The following SPRY4 variants were observed in gnomAD, a reference collection of about 807,000 sequenced individuals.
SPRY4 encodes the protein sprouty RTK signaling antagonist 4.
In SPRY4, 7 loss-of-function variants were observed where a neutral mutation model predicts 17.0. The ratio of observed to expected loss-of-function variants is 0.41; its 90% CI spans 0.23 to 0.77. The LOEUF (loss-of-function observed/expected upper bound fraction) is 0.77. Ranked by LOEUF, SPRY4 falls within the 30% of genes least tolerant of loss-of-function variation. The probability of loss-of-function intolerance (pLI) is 0.32; values close to 1 mark genes in which losing one functional copy is unlikely to be tolerated. For missense variants in SPRY4, 435 were observed against 419.9 expected (o/e 1.04, Z -0.31); for synonymous variants, 183 against 174.1 (o/e 1.05, Z -0.40).
Position 142,314,210 on chromosome 5 carries a change from C to G in SPRY4, c.899G>C (p.Ter300SerextTer32), listed in dbSNP as rs1238901072. The G allele has an allele frequency of 6.2e-7, 1 of 1,604,726 alleles. No homozygotes were observed. Among genetic ancestry groups the G allele is most frequent in the Admixed American group, 1.7e-5 (1 of 59,882 alleles). ...GCACTGGGGCTTCGACACAAACTGT[C>G]AGAAAGGCTTGTCGGGCCTGCTGGT... is the stretch of plus-strand genomic sequence containing the variant. ...AKTSRPDKPF[*>S] The change falls in exon 2 of 2, where the codon TGA becomes TCA. Residue 300 changes from the stop codon to serine, a stop_lost. Transcript: ENST00000434127. This position sits in a 1 kb window ranked among gnomAD's most constrained non-coding sequence, Gnocchi z 4.8.
rs763456471 is a variant in SPRY4, at chr5:142,314,689, C to T, written c.420G>A (p.Pro140=). 7.4e-6 allele frequency: 12 copies of T among 1,614,014 alleles called. 1 individual carries two copies. The highest frequency in any genetic ancestry group is 1.1e-5 in the South Asian group (1 of 91,088). The change falls in exon 2 of 2, where the codon CCG becomes CCA. Residue 140 remains proline, a synonymous_variant. Transcript: ENST00000434127. This position sits in a 1 kb window ranked among gnomAD's most constrained non-coding sequence, Gnocchi z 4.8. ...RIQPKVVHCQ[P]LDLKGPAVPP... Reference sequence around the variant, plus strand: ...GGACCGCCGGGCCCTTGAGGTCCAGCGGCTGGCAGTGGACCACCTTGGGCT... The same window carrying T: ...GGACCGCCGGGCCCTTGAGGTCCAGTGGCTGGCAGTGGACCACCTTGGGCT...
rs11299127 is a variant in SPRY4, at chr5:142,311,684, CT to C, written c.*2524del. 123,790 of 151,912 alleles carry C rather than the reference CT, an allele frequency of 0.81. 50,588 individuals carry two copies. Among genetic ancestry groups the C allele is most frequent in the East Asian group, 0.93 (4,759 of 5,142 alleles). The allele number at this position is 151,912 out of a possible 1,614,324, so 9.4% of individuals were successfully genotyped here. A position where few individuals can be genotyped will look rare whatever the true frequency, so the allele number is the denominator to read the frequency against. ...AGAACCAAGGATGGTTCCTTCGCTC[CT>C]TTCCCATGACCACTGAGCACACGAG... On this transcript the variant is annotated 3_prime_UTR_variant, in exon 2 of 2. Coordinates refer to ENST00000434127, the MANE Select transcript of SPRY4 (RefSeq NM_001127496.3).
rs928331479 is a variant in SPRY4, at chr5:142,314,719, G to A, written c.390C>T (p.Arg130=). The A allele has an allele frequency of 2.5e-5, 40 of 1,613,162 alleles. No homozygotes were observed. Among genetic ancestry groups the A allele is most frequent in the Non-Finnish European group, 3.3e-5 (39 of 1,179,332 alleles). The change falls in exon 2 of 2, where the codon CGC becomes CGT. Residue 130 remains arginine (R), a synonymous_variant. Transcript: ENST00000434127. This position sits in a 1 kb window ranked among gnomAD's most constrained non-coding sequence, Gnocchi z 4.8. ...VADQASPRAV[R]IQPKVVHCQP... ...GGCAGTGGACCACCTTGGGCTGGAT[G>A]CGCACAGCCCTTGGTGAGGCCTGGT...
intron 1 of SPRY4, chr5:142,324,459 G>A (rs1024565365): frequency 6.6e-6 from 1 of 152,318 alleles, no homozygotes; most frequent in Non-Finnish European, 1.5e-5. Flanking sequence ...GACCCAAACG[G>A]TGGCTCCTGA....
At chr5:142,321,266 G>A (rs192040791) in intron 1 of SPRY4, among the ~76,000 whole-genome samples, 1 of 152,272 alleles carries the variant, frequency 6.6e-6, no homozygotes, top group African/African-American at 2.4e-5. Context: ...AGTCCTGGCC[G>A]CTCACTAGCA....
intron 1 of SPRY4, chr5:142,318,066 G>C (rs1283909628): frequency 1.0e-6 from 1 of 985,052 alleles, no homozygotes; most frequent in African/African-American, 1.8e-5. Flanking sequence ...TCACCAGCAG[G>C]GACCCTCCAA....
rs375803657 is a variant in SPRY4 at position 142,314,477 on chromosome 5, G to A, written c.632C>T (p.Thr211Met). ...CLVQGIFYHCTNEDDEGSCAD... is the reference protein window; with the variant it reads ...CLVQGIFYHCMNEDDEGSCAD... Reference sequence around the variant, plus strand: ...GCAGGAGCCCTCATCGTCCTCATTCGTGCAGTGGTAGAAGATGCCCTGCAC... The same window carrying A: ...GCAGGAGCCCTCATCGTCCTCATTCATGCAGTGGTAGAAGATGCCCTGCAC... The change falls in exon 2 of 2, where the codon ACG (threonine) becomes ATG (methionine). Residue 211 changes from threonine (T) to methionine (M), a missense_variant. Thr to Met is a moderately conservative substitution (Grantham distance 81). Coordinates refer to ENST00000434127, the MANE Select transcript of SPRY4 (RefSeq NM_001127496.3). The surrounding 1 kb of genome is among the most constrained non-coding windows in gnomAD (Gnocchi z 4.8). 1.1e-5 allele frequency: 17 copies of A among 1,614,058 alleles called. No individual in the cohort carries two copies. In the East Asian group the frequency reaches 2.0e-4, roughly 19 times the overall value.
Position 142,314,130 on chromosome 5 carries a change from C to G in SPRY4, c.*79G>C. On this transcript the variant is annotated 3_prime_UTR_variant, in exon 2 of 2. Coordinates refer to ENST00000434127, the MANE Select transcript of SPRY4 (RefSeq NM_001127496.3). This position sits in a 1 kb window ranked among gnomAD's most constrained non-coding sequence, Gnocchi z 4.8. The stretch of plus-strand genomic sequence containing the variant: ...GGTCAGCCTCAGGAGGCTAAAACCT[C>G]TGACCTTGCTGCAGTCTTCTTAGAT... 3 of 1,468,572 alleles carry G rather than the reference C, an allele frequency of 2.0e-6. No homozygotes were observed. The highest frequency in any genetic ancestry group is 9.1e-7 in the Non-Finnish European group (1 of 1,099,988). 91.0% of individuals were successfully genotyped at this position (1,468,572 alleles called of 1,614,324 possible).
At chr5:142,315,319 A>C (rs1759114554) in intron 1 of SPRY4, 164 bp from the exon 2 acceptor site, 1 of 579,912 alleles carries the variant, frequency 1.7e-6, no homozygotes, top group Non-Finnish European at 3.1e-6. Flanking sequence ...TAAGATGATT[A>C]ATAATGACAA....
At chr5:142,319,944 T>C in intron 1 of SPRY4, 1 of 702,010 alleles carries the variant, frequency 1.4e-6, no homozygotes, top group Non-Finnish European at 2.2e-6. Context: ...AAGCTACAGG[T>C]CAGCTAATGA....
intron 1 of SPRY4, among the ~76,000 whole-genome samples, chr5:142,322,826 T>C (rs1030889723): frequency 6.6e-6 from 1 of 152,166 alleles, no homozygotes; most frequent in Non-Finnish European, 1.5e-5. Flanking sequence ...CCACATGGCG[T>C]GGTTGGTAAG....
At chr5:142,322,990 G>A (rs913131409) in intron 1 of SPRY4, among the ~76,000 whole-genome samples, 1 of 144,014 alleles carries the variant, frequency 6.9e-6, no homozygotes, top group Non-Finnish European at 1.5e-5. Flanking sequence ...GAGAGAAAGA[G>A]AAATCTTTAA....
At chr5:142,322,931 T>G (rs1759396367) in intron 1 of SPRY4, among the ~76,000 whole-genome samples, 1 of 151,792 alleles carries the variant, frequency 6.6e-6, no homozygotes, top group Non-Finnish European at 1.5e-5. Context: ...GATTTCACAC[T>G]GGACATCTCC....
In SPRY4 at chr5:142,319,659, C is replaced by T. The variant is rs1759276873; in HGVS notation, c.-47-4504G>A. The T allele has an allele frequency of 6.5e-6, 10 of 1,531,754 alleles. No homozygotes were observed. In the Admixed American group the frequency reaches 1.4e-4, roughly 21 times the overall value. 94.9% of individuals were successfully genotyped at this position (1,531,754 alleles called of 1,614,324 possible). Reference sequence around the variant, plus strand: ...ACTGAATCAGCAGGATATCAAAATCCCCAGAACACGCGCAACACTGTATTT... The same window carrying T: ...ACTGAATCAGCAGGATATCAAAATCTCCAGAACACGCGCAACACTGTATTT... On this transcript the variant is annotated intron_variant, in intron 1 of 1. Coordinates refer to ENST00000434127, the MANE Select transcript of SPRY4 (RefSeq NM_001127496.3).
At position 142,324,994 on chromosome 5, in the gene SPRY4, C is replaced by G. The variant is rs893590719; in HGVS notation, c.-198G>C. 1.3e-5 allele frequency: 2 copies of G among 152,700 alleles called. No individual in the cohort carries two copies. Among genetic ancestry groups the G allele is most frequent in the African/African-American group, 4.8e-5 (2 of 41,470 alleles). The allele number at this position is 152,700 out of a possible 1,614,324, so 9.5% of individuals were successfully genotyped here. On this transcript the variant is annotated 5_prime_UTR_variant, in exon 1 of 2. Coordinates refer to ENST00000434127, the MANE Select transcript of SPRY4 (RefSeq NM_001127496.3). ...CAGCGCCAGCTCCGCGCTGTCAGCT[C>G]AGCTCGCTACCTCCGCGGCGATGTT...
Position 142,314,218 on chromosome 5 carries a change from C to T in SPRY4, c.891G>A (p.Lys297=). Residue 297 remains lysine (K), a synonymous_variant, in exon 2 of 2, where the codon AAG becomes AAA. Transcript: ENST00000434127. This position sits in a 1 kb window ranked among gnomAD's most constrained non-coding sequence, Gnocchi z 4.8. ...GCTTCGACACAAACTGTCAGAAAGG[C>T]TTGTCGGGCCTGCTGGTCTTGGCAT... ...SGDAKTSRPD[K]PF is the part of the protein sequence containing the mutation. The T allele has an allele frequency of 6.2e-7, 1 of 1,607,178 alleles. No homozygotes were observed. The highest frequency in any genetic ancestry group is 8.5e-7 in the Non-Finnish European group (1 of 1,177,266).
At chr5:142,324,587 G>A (rs1181935245) in intron 1 of SPRY4, among the ~76,000 whole-genome samples, 1 of 152,204 alleles carries the variant, frequency 6.6e-6, no homozygotes, top group African/African-American at 2.4e-5. Flanking sequence ...CTCAGAGGGC[G>A]GGGAAGCCGG....
rs917617316 is a variant in SPRY4 at position 142,318,255 on chromosome 5, T to C, written c.-47-3100A>G. 4.6e-6 allele frequency: 4 copies of C among 866,096 alleles called. No individual in the cohort carries two copies. In the South Asian group the frequency reaches 1.6e-4, roughly 35 times the overall value. The allele number at this position is 866,096 out of a possible 1,614,324, so 53.7% of individuals were successfully genotyped here. ...ATCTCAGCCTTTTGGGAGGCCAAGG[T>C]AGGCAGATCACTTGAGGTCAGGAGT... On this transcript the variant is annotated intron_variant, in intron 1 of 1. Transcript: ENST00000434127.
rs1389205558 is a variant in SPRY4 at position 142,314,969 on chromosome 5, T to C, written c.140A>G (p.His47Arg). 11 of 1,613,962 alleles carry C rather than the reference T, an allele frequency of 6.8e-6. No homozygotes were observed. The highest frequency in any genetic ancestry group is 9.3e-6 in the Non-Finnish European group (11 of 1,180,036). ...GTTGTCTATGTAGTCATTCTCCACA[T>C]GGCTGGTCTTCACCTGGTCAATGGG... ...ILPIDQVKTS[H>R]VENDYIDNPS... is the part of the protein sequence containing the mutation. The change falls in exon 2 of 2, where the codon CAT (histidine) becomes CGT (arginine). Residue 47 changes from histidine (H) to arginine (R), a missense_variant. Transcript: ENST00000434127. The surrounding 1 kb of genome is among the most constrained non-coding windows in gnomAD (Gnocchi z 4.8).
Sources: gnomAD v4.1 joint callset for allele counts (sites outside exome capture counted in the v4.1 genomes callset) on GRCh38, gnomAD v4.1.1 for gene constraint, Gnocchi (gnomAD v3.1) non-coding constraint, MANE v1.5 for transcripts, NCBI Gene and HGNC (gene_info 2026-07-23, HGNC 2026-07-21) for gene names.